The following NTRK2 variants were observed in gnomAD, a reference collection of about 807,000 sequenced individuals.
NTRK2 encodes neurotrophic receptor tyrosine kinase 2, also known as BDNF/NT-3 growth factors receptor.
NTRK2 carries 13 observed loss-of-function variants against 94.5 expected under a neutral mutation model. That is an observed-to-expected ratio of 0.14 (90% CI 0.09 to 0.22). The LOEUF (loss-of-function observed/expected upper bound fraction) is 0.22, where lower values mean the gene tolerates loss of function less well. Among genes scored for constraint, NTRK2 ranks in the 10% least tolerant of loss-of-function variants. NTRK2 has a pLI of 1.00. For synonymous variants in NTRK2, 372 were observed against 407.4 expected, an observed-to-expected ratio of 0.91 and a Z score of 1.05; for missense variants, 639 against 1,071.2, an observed-to-expected ratio of 0.60 and a Z score of 5.63.
intron 12 of NTRK2, chr9:84,811,478 A>G: frequency 1.9e-6 from 2 of 1,065,588 alleles, no homozygotes; most frequent in Non-Finnish European, 2.3e-6. Context: ...TCTGCGATCC[A>G]CCTGCTTTTT....
intron 2 of NTRK2, among the ~76,000 whole-genome samples, chr9:84,686,031 C>A (rs2059693558): frequency 1.3e-5 from 2 of 152,182 alleles, no homozygotes; most frequent in Non-Finnish European, 1.5e-5. Flanking sequence ...TCTCCCCACC[C>A]CCATATATAT....
At chr9:84,840,672 T>C (rs1442227492) in intron 12 of NTRK2, among the ~76,000 whole-genome samples, 1 of 152,212 alleles carries the variant, frequency 6.6e-6, no homozygotes, top group Admixed American at 6.5e-5. Context: ...CACACTGCTC[T>C]TGACTTCCCA....
intron 17 of NTRK2, among the ~76,000 whole-genome samples, chr9:84,985,434 C>T (rs536741069): frequency 1.3e-5 from 2 of 152,324 alleles, no homozygotes; most frequent in Admixed American, 6.5e-5. Context: ...TACTTTCACA[C>T]CATCAATACA....
rs2076381862 is a variant in NTRK2 at position 84,885,383 on chromosome 9, T to C, written c.1633+17952T>C. On this transcript the variant is annotated intron_variant, in intron 14 of 18. Coordinates refer to ENST00000277120, the MANE Select transcript of NTRK2 (RefSeq NM_006180.6). ...ATTACGTGTTTTTTTGAAGAATGGC[T>C]ATCATACAAACACAATTTCAGCGGG... 3.3e-5 allele frequency among the ~76,000 whole-genome samples: 5 copies of C among 152,210 alleles called. No individual in the cohort carries two copies. The South Asian group carries it at 1.0e-3, about 32-fold the overall frequency.
intron 13 of NTRK2, among the ~76,000 whole-genome samples, chr9:84,861,796 G>A (rs2075352329): frequency 6.6e-6 from 1 of 152,118 alleles, no homozygotes; most frequent in African/African-American, 2.4e-5. Context: ...CTTTCATGTG[G>A]GTTTCCAAGA....
chr9:84,680,624 A>G (rs1234676707), intron 2 of NTRK2, among the ~76,000 whole-genome samples: 2 of 152,302 alleles, frequency 1.3e-5, no homozygotes, highest in East Asian at 1.9e-4. Context: ...AAGCAGGTTC[A>G]TGTTCCTCCC....
At chr9:84,746,642 G>A (rs944630318) in intron 11 of NTRK2, among the ~76,000 whole-genome samples, 1 of 151,944 alleles carries the variant, frequency 6.6e-6, no homozygotes, top group Non-Finnish European at 1.5e-5. Flanking sequence ...CGTCCTTCCC[G>A]AGCTCTCTGA....
At chr9:84,818,927 G>C (rs1306532792) in intron 12 of NTRK2, among the ~76,000 whole-genome samples, 1 of 152,176 alleles carries the variant, frequency 6.6e-6, no homozygotes, top group East Asian at 1.9e-4. Flanking sequence ...GAGCTGCTTG[G>C]TCACTTCAAT....
At chr9:84,772,910 C>T (rs2066694341) in intron 12 of NTRK2, among the ~76,000 whole-genome samples, 1 of 152,164 alleles carries the variant, frequency 6.6e-6, no homozygotes, top group Admixed American at 6.5e-5. Flanking sequence ...GGTCAAGGTG[C>T]AGAAGGCCTT....
chr9:84,940,949 C>T (rs758460899), intron 15 of NTRK2, among the ~76,000 whole-genome samples: 33 of 152,148 alleles, frequency 2.2e-4, no homozygotes, highest in Non-Finnish European at 3.8e-4. Context: ...TTTCCACTTA[C>T]ATTGGCATGT....
At chr9:84,682,486 T>C (rs2059449083) in intron 2 of NTRK2, among the ~76,000 whole-genome samples, 2 of 152,106 alleles carry the variant, frequency 1.3e-5, no homozygotes, top group Non-Finnish European at 2.9e-5. Flanking sequence ...CTGTCAGGTT[T>C]ATTAGTTTGC....
chr9:84,987,111 C>T (rs1238503326), intron 17 of NTRK2, among the ~76,000 whole-genome samples: 1 of 152,176 alleles, frequency 6.6e-6, no homozygotes, highest in Non-Finnish European at 1.5e-5. Context: ...CCCAGGTTGA[C>T]CCAATTTCAC....
intron 17 of NTRK2, among the ~76,000 whole-genome samples, chr9:84,994,811 T>C (rs1829540964): frequency 6.6e-6 from 1 of 152,222 alleles, no homozygotes; most frequent in Admixed American, 6.5e-5. Flanking sequence ...TAACATTTGT[T>C]GAGTGAACAA....
intron 9 of NTRK2, among the ~76,000 whole-genome samples, chr9:84,730,551 TAA>T (rs1391106572): frequency 7.0e-6 from 1 of 142,262 alleles, no homozygotes; most frequent in Non-Finnish European, 1.5e-5. Context: ...CCATCCTGGC[TAA>T]CACGGTGAAA....
chr9:85,006,607 C>T (rs532573143), intron 17 of NTRK2, among the ~76,000 whole-genome samples: 1 of 152,290 alleles, frequency 6.6e-6, no homozygotes, highest in South Asian at 2.1e-4. Context: ...AAAAGAAAGA[C>T]ACCCCTGGGG....
intron 9 of NTRK2, among the ~76,000 whole-genome samples, chr9:84,734,908 T>A (rs565302447): frequency 3.5e-4 from 53 of 152,186 alleles, no homozygotes; most frequent in Non-Finnish European, 7.2e-4. Context: ...TTTCAGAGGG[T>A]GGGTCAGTCT....
intron 4 of NTRK2, among the ~76,000 whole-genome samples, chr9:84,706,493 C>A (rs905267505): frequency 3.1e-4 from 46 of 149,724 alleles, no homozygotes; most frequent in Non-Finnish European, 3.4e-4. Context: ...ATCACTGTCA[C>A]CCTCAGATCT....
chr9:84,855,201 T>C (rs1307160504), intron 12 of NTRK2, among the ~76,000 whole-genome samples: 1 of 152,176 alleles, frequency 6.6e-6, no homozygotes, highest in East Asian at 1.9e-4. Flanking sequence ...TGATTTATAC[T>C]TGAAAATGGT....
chr9:84,802,692 G>A (rs943516485), intron 12 of NTRK2, among the ~76,000 whole-genome samples: 4 of 152,196 alleles, frequency 2.6e-5, no homozygotes, highest in Non-Finnish European at 5.9e-5. Flanking sequence ...CCTGGGATTG[G>A]CTTTGCACTT....
Sources: allele counts gnomAD v4.1 joint callset (sites outside exome capture counted in the v4.1 genomes callset), GRCh38; gene constraint gnomAD v4.1.1; transcripts MANE v1.5; gene names NCBI Gene and HGNC (gene_info 2026-07-23, HGNC 2026-07-21).